The following SLC6A20 variants were observed in gnomAD, a reference collection of about 807,000 sequenced individuals.
SLC6A20 encodes the protein sodium- and chloride-dependent transporter XTRP3.
In SLC6A20, 73 loss-of-function variants were observed where a neutral mutation model predicts 64.3. The observed-to-expected ratio is 1.14, with a 90% CI of 0.94 to 1.38. SLC6A20 has a LOEUF of 1.38. Ranked by LOEUF, SLC6A20 falls within the 40% of genes most tolerant of loss-of-function variation. The pLI is 0.00. For synonymous variants in SLC6A20, 347 were observed against 329.6 expected, an observed-to-expected ratio of 1.05 and a Z score of -0.57; for missense variants, 725 against 772.8, an observed-to-expected ratio of 0.94 and a Z score of 0.73.
intron 5 of SLC6A20, 200 bp downstream of exon 5, chr3:45,772,305 A>G: frequency 1.9e-6 from 1 of 532,514 alleles, no homozygotes. Flanking sequence ...CAGAATTAAC[A>G]GGGAGTGGGG....
intron 1 of SLC6A20, 65 bp downstream of exon 1, chr3:45,796,234 G>C: frequency 6.5e-7 from 1 of 1,549,330 alleles, no homozygotes; most frequent in Non-Finnish European, 8.7e-7. Flanking sequence ...GTCTAACCCC[G>C]GCTCGCACAC....
chr3:45,772,290 T>A, intron 5 of SLC6A20: 1 of 512,290 alleles, frequency 2.0e-6, no homozygotes, highest in South Asian at 2.8e-5. Context: ...AAAGACTTAA[T>A]GCTCCAGAAT....
chr3:45,772,556 G>A lies in SLC6A20; in HGVS notation c.642C>T (p.Gly214=). 1 of 1,613,994 alleles carries A rather than the reference G, an allele frequency of 6.2e-7. No individual in the cohort carries two copies. The highest frequency in any genetic ancestry group is 8.5e-7 in the Non-Finnish European group (1 of 1,179,970). Residue 214 remains glycine (G), a synonymous_variant, in exon 5 of 11, where the codon GGC becomes GGT. Coordinates refer to ENST00000358525, the MANE Select transcript of SLC6A20 (RefSeq NM_020208.4). The part of the protein sequence containing the change: ...YCVLIIYLIR[G]LTLHGATNGL... ...CATTGGTGGCTCCGTGGAGCGTGAG[G>A]CCCCTGATGAGGTAGATGATGAGCA...
intron 3 of SLC6A20, among the ~76,000 whole-genome samples, chr3:45,777,634 G>T (rs142315247): frequency 1.3e-5 from 2 of 152,310 alleles, no homozygotes; most frequent in South Asian, 2.1e-4. Flanking sequence ...TGAATGATGC[G>T]GGTGCAGGGA....
In SLC6A20 at chr3:45,765,805, A is replaced by C; in HGVS notation, c.1099-64T>G. 6.4e-7 allele frequency: 1 copy of C among 1,565,764 alleles called. No individual in the cohort carries two copies. Among genetic ancestry groups the C allele is most frequent in the South Asian group, 1.1e-5 (1 of 89,074 alleles). On this transcript the variant is annotated intron_variant, in intron 7 of 10. Transcript: ENST00000358525. The surrounding 1 kb of genome is among the most constrained non-coding windows in gnomAD (Gnocchi z 4.2). ...GACTTATAGTCTTATTCACGCACTC[A>C]GTACTAAGCAACATGGGGGACCTTG...
intron 1 of SLC6A20, among the ~76,000 whole-genome samples, chr3:45,785,526 C>T (rs932901073): frequency 1.3e-5 from 2 of 152,160 alleles, no homozygotes; most frequent in African/African-American, 2.4e-5. Flanking sequence ...TTTTGGGACT[C>T]AGACTGGCTT....
chr3:45,771,275 C>A lies in SLC6A20; in HGVS notation c.877G>T (p.Val293Phe). ...TTGAAGCCATAGATGGAGAAGGTGA[C>A]AATGCTGGCAAATATGGAGGTGAAG... ...NSFTSIFASI[V>F]TFSIYGFKAT... The change falls in exon 6 of 11, where the codon GTC (valine) becomes TTC (phenylalanine). Residue 293 changes from valine (V) to phenylalanine (F), a missense_variant. Physicochemically the swap from Val to Phe is conservative, Grantham distance 50. Coordinates refer to ENST00000358525, the MANE Select transcript of SLC6A20 (RefSeq NM_020208.4). The A allele has an allele frequency of 6.2e-7, 1 of 1,614,202 alleles. No homozygotes were observed. The highest frequency in any genetic ancestry group is 8.5e-7 in the Non-Finnish European group (1 of 1,180,040).
intron 1 of SLC6A20, among the ~76,000 whole-genome samples, chr3:45,793,079 C>A (rs1700283620): frequency 6.6e-6 from 1 of 152,210 alleles, no homozygotes; most frequent in South Asian, 2.1e-4. Context: ...ACATGCAATT[C>A]TCTAAGCAAT....
Position 45,780,108 on chromosome 3 carries a change from G to A in SLC6A20, c.263-8C>T, listed in dbSNP as rs777365635. 9.5e-6 allele frequency: 15 copies of A among 1,581,198 alleles called. No homozygotes were observed. Among genetic ancestry groups the A allele is most frequent in the Non-Finnish European group, 1.3e-5 (15 of 1,163,204 alleles). ...CCACCACGCTGGCGACCCCTGCGAG[G>A]AAGCAGAGGGCCGCGCTGAGGACTG... On this transcript the variant is annotated splice_region_variant and splice_polypyrimidine_tract_variant and intron_variant, in intron 2 of 10. Coordinates refer to ENST00000358525, the MANE Select transcript of SLC6A20 (RefSeq NM_020208.4).
chr3:45,792,618 A>G (rs1700274550), intron 1 of SLC6A20, among the ~76,000 whole-genome samples: 1 of 152,132 alleles, frequency 6.6e-6, no homozygotes, highest in South Asian at 2.1e-4. Context: ...TCCCTGATCC[A>G]TCCATGGACT....
chr3:45,767,112 T>C (rs1229007193), intron 7 of SLC6A20, among the ~76,000 whole-genome samples: 3 of 152,204 alleles, frequency 2.0e-5, no homozygotes, highest in South Asian at 2.1e-4. Flanking sequence ...ATACTGAAAA[T>C]AGTTGGCTTT....
chr3:45,794,877 A>G lies in SLC6A20; in HGVS notation c.121+1422T>C, dbSNP rs750753499. Among the ~76,000 whole-genome samples the G allele has an allele frequency of 7.2e-5, 11 of 152,222 alleles. 1 individual carries two copies. The highest frequency in any genetic ancestry group is 8.8e-5 in the Non-Finnish European group (6 of 68,034). On this transcript the variant is annotated intron_variant, in intron 1 of 10. Transcript: ENST00000358525. ...ATGCTGTTAGAGCATATGGCAACAT[A>G]TGCCCTTCACATCATTATGGTGTAT... is the stretch of plus-strand genomic sequence containing the variant.
In SLC6A20 at chr3:45,762,940, G is replaced by A. The variant is rs1699710167; in HGVS notation, c.1436C>T (p.Ala479Val). The A allele has an allele frequency of 6.2e-7, 1 of 1,614,002 alleles. No homozygotes were observed. Among genetic ancestry groups the A allele is most frequent in the Admixed American group, 1.7e-5 (1 of 59,996 alleles). The change falls in exon 9 of 11, where the codon GCC (alanine) becomes GTC (valine). Residue 479 changes from alanine (A) to valine (V), a missense_variant. Transcript: ENST00000358525. ...LLLIVLVETI[A>V]VCYVYGLRRF... Reference sequence around the variant, plus strand: ...CCTCAGCCCGTACACGTAGCACACGGCAATCGTCTCCACCAGCACGATGAG... The same window carrying A: ...CCTCAGCCCGTACACGTAGCACACGACAATCGTCTCCACCAGCACGATGAG...
chr3:45,766,363 C>G (rs991930588), intron 7 of SLC6A20, among the ~76,000 whole-genome samples: 1 of 152,174 alleles, frequency 6.6e-6, no homozygotes, highest in Admixed American at 6.5e-5. Context: ...GGGTAGAAGC[C>G]CCCCCACCCG....
chr3:45,762,656 G>T (rs763885602), intron 9 of SLC6A20, among the ~76,000 whole-genome samples: 8 of 152,184 alleles, frequency 5.3e-5, no homozygotes, highest in Middle Eastern at 3.2e-3. Flanking sequence ...GGTCCAGCAG[G>T]GTCAACCCTA....
chr3:45,759,939 A>G lies in SLC6A20; in HGVS notation c.1547T>C (p.Leu516Pro). The change falls in exon 10 of 11, where the codon CTG (leucine) becomes CCG (proline). Residue 516 changes from leucine to proline, a missense_variant. By Grantham distance (98) the Leu-to-Pro change is moderately conservative. Coordinates refer to ENST00000358525, the MANE Select transcript of SLC6A20 (RefSeq NM_020208.4). ...GTAGAAGACAAAGAGGCTGACAATC[A>G]GCAGTGGGCTTACGCCAGCCCACAT... is the stretch of plus-strand genomic sequence containing the variant. ...KVMWAGVSPL[L>P]IVSLFVFYLS... 6.2e-7 allele frequency: 1 copy of G among 1,614,208 alleles called. No individual in the cohort carries two copies. The highest frequency in any genetic ancestry group is 1.1e-5 in the South Asian group (1 of 91,088).
chr3:45,779,143 G>A (rs1187818738), intron 3 of SLC6A20, among the ~76,000 whole-genome samples: 1 of 152,228 alleles, frequency 6.6e-6, no homozygotes, highest in Non-Finnish European at 1.5e-5. Context: ...CCTGGCTCAG[G>A]GGCAAAGGGT....
chr3:45,765,388 GAGA>G lies in SLC6A20; in HGVS notation c.1303+146_1303+148del, dbSNP rs1338481227. On this transcript the variant is annotated intron_variant, in intron 8 of 10. Transcript: ENST00000358525. The surrounding 1 kb of genome is among the most constrained non-coding windows in gnomAD (Gnocchi z 4.2). Reference sequence around the variant, plus strand: ...TCACATGGCCCAGGTCCCAGGTTGTGAGAAGACATGGCAGGACCGTGGTGAGGT... The same window carrying G: ...TCACATGGCCCAGGTCCCAGGTTGTGAGACATGGCAGGACCGTGGTGAGGT... The G allele has an allele frequency of 1.3e-6, 1 of 799,688 alleles. No homozygotes were observed. The highest frequency in any genetic ancestry group is 2.0e-6 in the Non-Finnish European group (1 of 507,376). 49.5% of individuals were successfully genotyped at this position (799,688 alleles called of 1,614,324 possible).
chr3:45,780,024 G>A lies in SLC6A20; in HGVS notation c.339C>T (p.Leu113=), dbSNP rs750940186. The A allele has an allele frequency of 5.0e-6, 8 of 1,603,602 alleles. No individual in the cohort carries two copies. The East Asian group carries it at 1.6e-4, about 32-fold the overall frequency. The stretch of plus-strand genomic sequence containing the variant: ...CCCGGCTCACCTGGAAGGAGTGGAA[G>A]AGGTACCAGAAGGCCCAGGCGTTGA... ...NVINAWAFWY[L]FHSFQDPLPW... The change falls in exon 3 of 11, where the codon CTC becomes CTT. Residue 113 remains leucine, a synonymous_variant. Transcript: ENST00000358525.
Sources: gnomAD v4.1 joint callset for allele counts (sites outside exome capture counted in the v4.1 genomes callset) on GRCh38, gnomAD v4.1.1 for gene constraint, Gnocchi (gnomAD v3.1) non-coding constraint, MANE v1.5 for transcripts, NCBI Gene and HGNC (gene_info 2026-07-23, HGNC 2026-07-21) for gene names.